Variants in GPKOW observed in about 807,000 individuals in gnomAD.
GPKOW encodes G-patch domain and KOW motifs.
For synonymous variants in GPKOW, 167 were observed against 159.1 expected (o/e 1.05, Z -0.37); for missense variants, 359 against 404.7 (o/e 0.89, Z 0.97).
Position 49,117,954 on chromosome X carries a change from CTT to C in GPKOW, c.567-146_567-145del. ...TTTTTTTTGGAGATGGAGTTTTGCT[CTT>C]GTCATCCAGGCTGGAGTACAATGGC... On this transcript the variant is annotated intron_variant, in intron 4 of 10. Transcript: ENST00000156109. 1.3e-5 allele frequency: 5 copies of C among 397,609 alleles called. No individual in the cohort carries two copies. The East Asian group carries it at 1.7e-4, about 13-fold the overall frequency. The allele number at this position is 397,609 out of a possible 1,213,427, so 32.8% of individuals were successfully genotyped here. A position where few individuals can be genotyped will look rare whatever the true frequency, so the allele number is the denominator to read the frequency against.
intron 4 of GPKOW, 152 bp from the exon 5 acceptor site, chrX:49,117,962 C>G (rs2147840799): frequency 5.1e-6 from 2 of 394,083 alleles, no homozygotes. Context: ...CTCTTGTCAT[C>G]CAGGCTGGAG....
At chrX:49,118,893 C>T (rs901572191) in intron 4 of GPKOW, among the ~76,000 whole-genome samples, 1 of 108,652 alleles carries the variant, frequency 9.2e-6, no homozygotes, top group Non-Finnish European at 1.9e-5. Flanking sequence ...GTTTAGTCTA[C>T]GCTTTCTTGG....
intron 9 of GPKOW, among the ~76,000 whole-genome samples, chrX:49,114,428 C>T (rs1303113088): frequency 9.4e-6 from 1 of 106,118 alleles, no homozygotes; most frequent in Non-Finnish European, 1.9e-5. Context: ...CATGAGCCAC[C>T]GCGCCCAGCC....
At chrX:49,118,854 G>A (rs373059995) in intron 4 of GPKOW, among the ~76,000 whole-genome samples, 3 of 109,584 alleles carry the variant, frequency 2.7e-5, no homozygotes, top group East Asian at 5.7e-4. Context: ...GTGAAGAAAG[G>A]GTTGCAAGTC....
At chrX:49,118,971 T>G (rs1195240397) in intron 4 of GPKOW, among the ~76,000 whole-genome samples, 1 of 59,850 alleles carries the variant, frequency 1.7e-5, no homozygotes, top group African/African-American at 5.5e-5. Flanking sequence ...TTTTTTTTTT[T>G]GAGACGGAGT....
chrX:49,117,629 G>C lies in GPKOW; in HGVS notation c.748C>G (p.Leu250Val), dbSNP rs782331249. The change falls in exon 5 of 11, where the codon CTT becomes GTT. Residue 250 changes from leucine to valine, a missense_variant. Transcript: ENST00000156109. ...TAGAGGCCTCGGTGAGGGCCAGAAA[G>C]AACCACCACAGCTCCTCCAGGCACC... is the stretch of plus-strand genomic sequence containing the variant. ...GLVPGGAVVV[L>V]SGPHRGLYGK... 2 of 1,210,382 alleles carry C rather than the reference G, an allele frequency of 1.7e-6. No individual in the cohort carries two copies. Among genetic ancestry groups the C allele is most frequent in the African/African-American group, 3.5e-5 (2 of 57,862 alleles).
At chrX:49,116,417 G>C (rs1470635864) in intron 6 of GPKOW, 94 bp from the exon 7 acceptor site, 6 of 589,527 alleles carry the variant, frequency 1.0e-5, no homozygotes, top group Non-Finnish European at 1.7e-5. Context: ...TTCCTTCCAA[G>C]GCCATGTCTC....
In GPKOW at chrX:49,123,541, C is replaced by A. The variant is rs370926604; in HGVS notation, c.176+6G>T. The A allele has an allele frequency of 5.3e-5, 63 of 1,191,814 alleles. No homozygotes were observed. The highest frequency in any genetic ancestry group is 1.4e-4 in the African/African-American group (8 of 56,352). Reference sequence around the variant, plus strand: ...TTTCCAAGGGGTGAAAGACCCGGCGCGTCACCTCTGCAGCTCCCTCCCTTC... The same window carrying A: ...TTTCCAAGGGGTGAAAGACCCGGCGAGTCACCTCTGCAGCTCCCTCCCTTC... On this transcript the variant is annotated splice_donor_region_variant and intron_variant, in intron 1 of 10. Transcript: ENST00000156109.
At chrX:49,121,425 C>T (rs1310609548) in intron 3 of GPKOW, among the ~76,000 whole-genome samples, 1 of 110,870 alleles carries the variant, frequency 9.0e-6, no homozygotes, top group Non-Finnish European at 1.9e-5. Context: ...AAGACTCTAT[C>T]TCAAAAAACA....
At chrX:49,120,366 A>T (rs2065209312) in intron 3 of GPKOW, among the ~76,000 whole-genome samples, 1 of 111,568 alleles carries the variant, frequency 9.0e-6, no homozygotes, top group Non-Finnish European at 1.9e-5. Flanking sequence ...AGTCACCATG[A>T]CTGAAATGGA....
rs782540353 is a variant in GPKOW, at chrX:49,113,727, G to A, written c.1325C>T (p.Ala442Val). 8.3e-7 allele frequency: 1 copy of A among 1,206,916 alleles called. No homozygotes were observed. The highest frequency in any genetic ancestry group is 2.2e-5 in the Admixed American group (1 of 45,318). ...RVGHLLSRDRARSRALVQLPR... is the reference protein window; with the variant it reads ...RVGHLLSRDRVRSRALVQLPR... The stretch of plus-strand genomic sequence containing the variant: ...CAGTTGCACCAAAGCCCGGCTCCGT[G>A]CTCTGTCCCGGCTCAGCAAATGTCC... Residue 442 changes from alanine to valine, a missense_variant, in exon 11 of 11, where the codon GCA becomes GTA. Transcript: ENST00000156109.
chrX:49,121,491 A>G (rs2065212887), intron 3 of GPKOW, among the ~76,000 whole-genome samples: 1 of 111,572 alleles, frequency 9.0e-6, no homozygotes. Context: ...TGAAGGCTGA[A>G]GAGAACAGTT....
chrX:49,117,946 G>A lies in GPKOW; in HGVS notation c.567-136C>T, dbSNP rs1282009755. ...TCTTTTCTTTTTTTTTGGAGATGGA[G>A]TTTTGCTCTTGTCATCCAGGCTGGA... On this transcript the variant is annotated intron_variant, in intron 4 of 10. Transcript: ENST00000156109. 1.4e-5 allele frequency: 6 copies of A among 414,532 alleles called. No individual in the cohort carries two copies. The Admixed American group carries it at 1.9e-4, about 13-fold the overall frequency. 34.2% of individuals were successfully genotyped at this position (414,532 alleles called of 1,213,427 possible).
chrX:49,114,618 G>A lies in GPKOW; in HGVS notation c.1211-680C>T, dbSNP rs1200738460. ...AGACCCAATCTCAAAAAAAAAAAAA[G>A]AAAAAAAAAAAAAAGAAGGGCCTTT... On this transcript the variant is annotated intron_variant, in intron 9 of 10. Transcript: ENST00000156109. 9.0e-3 allele frequency among the ~76,000 whole-genome samples: 474 copies of A among 52,396 alleles called. 3 individuals carry two copies. The highest frequency in any genetic ancestry group is 0.076 in the East Asian group (114 of 1,492). 45.5% of individuals were successfully genotyped at this position (52,396 alleles called of 115,157 possible).
chrX:49,119,893 C>T (rs1401587634), intron 3 of GPKOW, 79 bp from the exon 4 acceptor site: 6 of 551,177 alleles, frequency 1.1e-5, no homozygotes, highest in Non-Finnish European at 1.5e-5. Context: ...TGCTGCCCCC[C>T]ACTGGGAGAC....
intron 8 of GPKOW, 29 bp downstream of exon 8, chrX:49,115,862 G>C: frequency 8.3e-7 from 1 of 1,206,782 alleles, no homozygotes; most frequent in Non-Finnish European, 1.1e-6. Flanking sequence ...CTAGGAGAGG[G>C]AGGGGGACTC....
Position 49,122,441 on chromosome X carries a change from G to A in GPKOW, c.413C>T (p.Thr138Ile), listed in dbSNP as rs964522219. Residue 138 changes from threonine to isoleucine, a missense_variant, in exon 3 of 11, where the codon ACC becomes ATC. Transcript: ENST00000156109. ...LAIPMIQKGCTPSGEGADSEP... is the reference protein window; with the variant it reads ...LAIPMIQKGCIPSGEGADSEP... ...GCTGTCTGCCCCTTCCCCGCTGGGG[G>A]TGCATCCTTTCTGGATCATGGGGAT... 2.5e-6 allele frequency: 3 copies of A among 1,188,432 alleles called. No individual in the cohort carries two copies. Among genetic ancestry groups the A allele is most frequent in the South Asian group, 1.8e-5 (1 of 54,198 alleles).
intron 3 of GPKOW, among the ~76,000 whole-genome samples, chrX:49,120,364 T>C (rs1055691146): frequency 6.3e-5 from 7 of 111,307 alleles, no homozygotes; most frequent in Non-Finnish European, 1.3e-4. Flanking sequence ...AAAGTCACCA[T>C]GACTGAAATG....
intron 1 of GPKOW, among the ~76,000 whole-genome samples, 160 bp downstream of exon 1, chrX:49,123,387 C>T (rs188878964): frequency 1.8e-5 from 2 of 112,412 alleles, no homozygotes; most frequent in Non-Finnish European, 3.8e-5. Context: ...AATTTCCTCA[C>T]CCCCTCCTAT....
Sources: gnomAD v4.1 joint callset for allele counts (sites outside exome capture counted in the v4.1 genomes callset) on GRCh38, gnomAD v4.1.1 for gene constraint, MANE v1.5 for transcripts, NCBI Gene and HGNC (gene_info 2026-07-23, HGNC 2026-07-21) for gene names.